SLCO6A1: variants seen among roughly 807,000 people sequenced by gnomAD.
SLCO6A1 encodes the protein solute carrier organic anion transporter family member 6A1.
In SLCO6A1, 65 loss-of-function variants were observed where a neutral mutation model predicts 72.7. The observed-to-expected ratio is 0.89, with a 90% CI of 0.73 to 1.10. The LOEUF (loss-of-function observed/expected upper bound fraction) is 1.10, where lower values mean the gene tolerates loss of function less well. Ranked by LOEUF, SLCO6A1 falls within the 50% of genes least tolerant of loss-of-function variation. The probability of loss-of-function intolerance (pLI) is 0.00; values close to 1 mark genes in which losing one functional copy is unlikely to be tolerated. For synonymous variants in SLCO6A1, 314 were observed against 298.2 expected (o/e 1.05, Z -0.55); for missense variants, 874 against 872.6 (o/e 1.00, Z -0.02).
At chr5:102,372,767 A>G (rs1446104368) in intron 13 of SLCO6A1, among the ~76,000 whole-genome samples, 1 of 151,834 alleles carries the variant, frequency 6.6e-6, no homozygotes, top group Non-Finnish European at 1.5e-5. Flanking sequence ...TTAACGAAAC[A>G]TCAAAATATT....
chr5:102,399,687 C>A lies in SLCO6A1; in HGVS notation c.1682G>T (p.Gly561Val). The A allele has an allele frequency of 6.2e-7, 1 of 1,601,714 alleles. No individual in the cohort carries two copies. The highest frequency in any genetic ancestry group is 8.5e-7 in the Non-Finnish European group (1 of 1,171,984). ...KEGLITADAE[G>V]DFIDARPGKC... ...CCCGGGTCTGGCATCAATAAAATCA[C>A]CTTCTGCATCTGCAGTTATTAATCC... The change falls in exon 10 of 14, where the codon GGT becomes GTT. Residue 561 changes from glycine to valine, a missense_variant. Physicochemically the swap from Gly to Val is moderately radical, Grantham distance 109 (BLOSUM62 -3). Coordinates refer to ENST00000506729, the MANE Select transcript of SLCO6A1 (RefSeq NM_173488.5).
chr5:102,440,314 G>A (rs1033261975), intron 6 of SLCO6A1, among the ~76,000 whole-genome samples: 3 of 152,220 alleles, frequency 2.0e-5, no homozygotes, highest in Middle Eastern at 3.4e-3. Flanking sequence ...GGCGCGCTCT[G>A]CATCCTGTTA....
At chr5:102,382,922 TGAGATATATACGTGTGTGTATATATATGA>T (rs1253834446) in intron 12 of SLCO6A1, among the ~76,000 whole-genome samples, 5 of 150,028 alleles carry the variant, frequency 3.3e-5, no homozygotes, top group African/African-American at 4.9e-5. Context: ...TATATATACA[TGAGATATATACGTGTGTGTATATATATGA>T]GAGATATATA....
intron 7 of SLCO6A1, among the ~76,000 whole-genome samples, chr5:102,437,546 T>C (rs907681936): frequency 1.3e-5 from 2 of 152,142 alleles, no homozygotes; most frequent in African/African-American, 4.8e-5. Context: ...TTCTGCTGAT[T>C]TGATTAATCA....
At chr5:102,397,059 T>C (rs572633900) in intron 10 of SLCO6A1, among the ~76,000 whole-genome samples, 1 of 152,322 alleles carries the variant, frequency 6.6e-6, no homozygotes, top group Admixed American at 6.5e-5. Context: ...AGAGAGGATC[T>C]AGTTCTTTTC....
At chr5:102,388,340 T>TA (rs1231489609) in intron 12 of SLCO6A1, among the ~76,000 whole-genome samples, 1 of 152,042 alleles carries the variant, frequency 6.6e-6, no homozygotes, top group South Asian at 2.1e-4. Flanking sequence ...TTATTATTTT[T>TA]TTATTTTTTG....
intron 1 of SLCO6A1, among the ~76,000 whole-genome samples, chr5:102,493,621 C>T (rs1752782627): frequency 6.6e-6 from 1 of 151,990 alleles, no homozygotes; most frequent in African/African-American, 2.4e-5. Flanking sequence ...TTCTATTGAC[C>T]ATTGTACCAG....
intron 9 of SLCO6A1, among the ~76,000 whole-genome samples, chr5:102,400,712 T>C (rs1747350826): frequency 1.3e-5 from 2 of 152,158 alleles, no homozygotes; most frequent in South Asian, 4.1e-4. Flanking sequence ...ATAAGAGAAA[T>C]TAAACATAAC....
intron 9 of SLCO6A1, among the ~76,000 whole-genome samples, chr5:102,401,081 C>A (rs1463319565): frequency 6.6e-6 from 1 of 151,684 alleles, no homozygotes; most frequent in East Asian, 1.9e-4. Context: ...TAGGACAATA[C>A]TTAACATGAT....
chr5:102,374,893 G>C (rs1438234966), intron 12 of SLCO6A1, among the ~76,000 whole-genome samples: 1 of 152,154 alleles, frequency 6.6e-6, no homozygotes, highest in Non-Finnish European at 1.5e-5. Context: ...GATAGGAAAA[G>C]CTAGATTAAA....
At chr5:102,494,016 A>C (rs1035108753) in intron 1 of SLCO6A1, among the ~76,000 whole-genome samples, 1 of 152,204 alleles carries the variant, frequency 6.6e-6, no homozygotes, top group Non-Finnish European at 1.5e-5. Flanking sequence ...AGTCGAAAGG[A>C]TACCTGATTT....
chr5:102,447,612 G>A (rs1237381742), intron 6 of SLCO6A1, among the ~76,000 whole-genome samples: 1 of 152,092 alleles, frequency 6.6e-6, no homozygotes, highest in East Asian at 1.9e-4. Context: ...AAGGTTGCAT[G>A]CTTCCAGAAA....
chr5:102,446,773 G>T (rs867691345), intron 6 of SLCO6A1, among the ~76,000 whole-genome samples: 1 of 75,228 alleles, frequency 1.3e-5, no homozygotes, highest in Non-Finnish European at 2.9e-5. Context: ...TTTTGTTTTT[G>T]AGATGGAGAC....
intron 4 of SLCO6A1, among the ~76,000 whole-genome samples, chr5:102,464,182 A>G (rs1256991698): frequency 3.3e-5 from 5 of 152,194 alleles, no homozygotes; most frequent in Non-Finnish European, 7.3e-5. Context: ...TGTTCCCCAA[A>G]AACTATCGAA....
chr5:102,444,894 A>C (rs1561466869), intron 6 of SLCO6A1, among the ~76,000 whole-genome samples: 1 of 152,136 alleles, frequency 6.6e-6, no homozygotes, highest in Non-Finnish European at 1.5e-5. Flanking sequence ...TTCCAGTGAA[A>C]ACTAAAATTT....
chr5:102,426,015 C>T (rs9765316), intron 7 of SLCO6A1, among the ~76,000 whole-genome samples: 1 of 151,954 alleles, frequency 6.6e-6, no homozygotes, highest in African/African-American at 2.4e-5. Flanking sequence ...ACAAGCAATG[C>T]GGAAATGGTT....
intron 4 of SLCO6A1, among the ~76,000 whole-genome samples, chr5:102,472,669 G>A (rs769018625): frequency 3.3e-5 from 5 of 151,890 alleles, no homozygotes; most frequent in South Asian, 4.1e-4. Flanking sequence ...AAAAACCATA[G>A]AGAAAATAAA....
At chr5:102,450,233 T>G (rs1280939636) in intron 6 of SLCO6A1, among the ~76,000 whole-genome samples, 1 of 152,236 alleles carries the variant, frequency 6.6e-6, no homozygotes, top group Non-Finnish European at 1.5e-5. Flanking sequence ...CTTTTTGTGC[T>G]GGTTCTTACT....
At chr5:102,433,995 T>G (rs1158333690) in intron 7 of SLCO6A1, among the ~76,000 whole-genome samples, 6 of 152,106 alleles carry the variant, frequency 3.9e-5, no homozygotes, top group Non-Finnish European at 5.9e-5. Flanking sequence ...ACTTTCAACC[T>G]TTTCATGTCC....
Sources: allele counts gnomAD v4.1 joint callset (sites outside exome capture counted in the v4.1 genomes callset), GRCh38; gene constraint gnomAD v4.1.1; transcripts MANE v1.5; gene names NCBI Gene and HGNC (gene_info 2026-07-23, HGNC 2026-07-21).